LDB2: variants seen among roughly 807,000 people sequenced by gnomAD.
LDB2 encodes the protein LIM domain binding 2.
In LDB2, 12 loss-of-function variants were observed where a neutral mutation model predicts 44.3. The observed-to-expected ratio is 0.27, with a 90% CI of 0.17 to 0.44. The LOEUF is 0.44. Among genes scored for constraint, LDB2 ranks in the 20% least tolerant of loss-of-function variants. The pLI, the probability that LDB2 is intolerant of heterozygous loss-of-function variation, is 1.00. For missense variants in LDB2, 344 were observed against 473.5 expected, an observed-to-expected ratio of 0.73 and a Z score of 2.54; for synonymous variants, 164 against 174.8, an observed-to-expected ratio of 0.94 and a Z score of 0.49.
intron 2 of LDB2, among the ~76,000 whole-genome samples, chr4:16,669,813 G>T (rs62296951): frequency 0.36 from 55,349 of 152,048 alleles, 11,455 homozygotes; most frequent in Middle Eastern, 0.6. Context: ...ATTTCATCCA[G>T]CCCTCTTTCC....
chr4:16,588,240 C>T (rs1339397198), intron 4 of LDB2, among the ~76,000 whole-genome samples: 2 of 152,312 alleles, frequency 1.3e-5, no homozygotes, highest in East Asian at 1.9e-4. Context: ...AGATTTAGCA[C>T]TGTGATCAGG....
intron 3 of LDB2, among the ~76,000 whole-genome samples, chr4:16,593,138 C>T (rs982297835): frequency 1.3e-5 from 2 of 152,092 alleles, no homozygotes; most frequent in African/African-American, 2.4e-5. Context: ...ATTTTTGATT[C>T]ACCAGTTGAC....
At chr4:16,693,516 C>T (rs1051635381) in intron 2 of LDB2, among the ~76,000 whole-genome samples, 2 of 152,082 alleles carry the variant, frequency 1.3e-5, no homozygotes, top group Admixed American at 6.6e-5. Context: ...CCACCACATC[C>T]GGCCAATTTT....
intron 7 of LDB2, among the ~76,000 whole-genome samples, chr4:16,505,405 A>G (rs1345134887): frequency 3.3e-5 from 5 of 151,834 alleles, no homozygotes; most frequent in South Asian, 2.1e-4. Context: ...ATAATTGACA[A>G]ATGGCAAGTT....
At chr4:16,640,193 G>A (rs1442360756) in intron 2 of LDB2, among the ~76,000 whole-genome samples, 1 of 152,216 alleles carries the variant, frequency 6.6e-6, no homozygotes, top group Non-Finnish European at 1.5e-5. Context: ...TTCTACAAGG[G>A]ATAAGAGGAC....
chr4:16,747,086 G>T (rs560570070), intron 2 of LDB2, among the ~76,000 whole-genome samples: 2 of 152,168 alleles, frequency 1.3e-5, no homozygotes, highest in East Asian at 3.8e-4. Context: ...TGCTGAAGAC[G>T]AGCCTGAATT....
intron 2 of LDB2, among the ~76,000 whole-genome samples, chr4:16,643,263 A>C (rs1208824274): frequency 6.6e-6 from 1 of 152,190 alleles, no homozygotes; most frequent in African/African-American, 2.4e-5. Context: ...AGAGCATGAC[A>C]TACCTACGTT....
At chr4:16,674,976 A>G (rs146945751) in intron 2 of LDB2, among the ~76,000 whole-genome samples, 7 of 152,308 alleles carry the variant, frequency 4.6e-5, no homozygotes, top group African/African-American at 1.7e-4. Context: ...GTTTACATAC[A>G]TGGAAGCTCT....
chr4:16,777,672 G>A lies in LDB2; in HGVS notation c.133-18412C>T, dbSNP rs533637918. Reference sequence around the variant, plus strand: ...AAGTAATCTCCACTCCTTAATACCTGTGTGACTTTGAGTAAATTCCTTCTC... The same window carrying A: ...AAGTAATCTCCACTCCTTAATACCTATGTGACTTTGAGTAAATTCCTTCTC... On this transcript the variant is annotated intron_variant, in intron 1 of 7. Transcript: ENST00000304523. Among the ~76,000 whole-genome samples the A allele has an allele frequency of 2.0e-5, 3 of 152,232 alleles. No individual in the cohort carries two copies. In the East Asian group the frequency reaches 5.8e-4, roughly 29 times the overall value.
Position 16,898,640 on chromosome 4 carries a change from G to T in LDB2, c.-155C>A. ...GCAGGCAGGCTGAACACGCTGGCTG[G>T]GAACTGCTGTCGGAGCCCTCTATAG... On this transcript the variant is annotated 5_prime_UTR_variant, in exon 1 of 8. Transcript: ENST00000304523. 1 of 454,630 alleles carries T rather than the reference G, an allele frequency of 2.2e-6. No individual in the cohort carries two copies. The allele number at this position is 454,630 out of a possible 1,614,324, so 28.2% of individuals were successfully genotyped here.
chr4:16,652,621 A>G (rs1201871369), intron 2 of LDB2, among the ~76,000 whole-genome samples: 2 of 152,196 alleles, frequency 1.3e-5, no homozygotes, highest in African/African-American at 4.8e-5. Context: ...TCCCAGCTAG[A>G]CATCGGGTAC....
chr4:16,687,688 C>T (rs1393596557), intron 2 of LDB2, among the ~76,000 whole-genome samples: 1 of 152,118 alleles, frequency 6.6e-6, no homozygotes, highest in Non-Finnish European at 1.5e-5. Flanking sequence ...ATGTAAGGAA[C>T]TCTGCACCCT....
At chr4:16,659,497 T>C (rs1031364837) in intron 2 of LDB2, among the ~76,000 whole-genome samples, 3 of 152,008 alleles carry the variant, frequency 2.0e-5, no homozygotes. Context: ...AGACCAAAGT[T>C]TTCTAACTTT....
chr4:16,662,807 G>A (rs1056445429), intron 2 of LDB2, among the ~76,000 whole-genome samples: 2 of 151,974 alleles, frequency 1.3e-5, no homozygotes, highest in Non-Finnish European at 2.9e-5. Flanking sequence ...CCCAAGCCAT[G>A]TGGAAATGTG....
At chr4:16,642,150 A>C (rs964590760) in intron 2 of LDB2, among the ~76,000 whole-genome samples, 1 of 152,140 alleles carries the variant, frequency 6.6e-6, no homozygotes, top group Non-Finnish European at 1.5e-5. Context: ...CCAGAAACCA[A>C]ATTGCCTCAG....
intron 1 of LDB2, among the ~76,000 whole-genome samples, chr4:16,848,657 C>G (rs575692862): frequency 2.0e-5 from 3 of 152,320 alleles, no homozygotes; most frequent in Non-Finnish European, 4.4e-5. Context: ...TCTCCCCATA[C>G]TTTCTTTTAA....
intron 2 of LDB2, among the ~76,000 whole-genome samples, chr4:16,621,489 A>G (rs1168478465): frequency 6.6e-6 from 1 of 152,238 alleles, no homozygotes; most frequent in African/African-American, 2.4e-5. Flanking sequence ...CAAGTTAGAA[A>G]GAGTTTGGGG....
intron 2 of LDB2, among the ~76,000 whole-genome samples, chr4:16,617,214 GAT>G (rs199822942): frequency 0.018 from 2,712 of 152,208 alleles, 34 homozygotes; most frequent in Non-Finnish European, 0.028. Context: ...CCATAAAGAT[GAT>G]GGAGATCAGA....
chr4:16,752,429 T>G (rs567010046), intron 2 of LDB2: 119 of 454,524 alleles, frequency 2.6e-4, no homozygotes, highest in Non-Finnish European at 2.5e-4. Context: ...ATATTCATTT[T>G]TTCCCCAATT....
Sources: allele counts gnomAD v4.1 joint callset (sites outside exome capture counted in the v4.1 genomes callset), GRCh38; gene constraint gnomAD v4.1.1; transcripts MANE v1.5; gene names NCBI Gene and HGNC (gene_info 2026-07-23, HGNC 2026-07-21).